The following DGKB variants were observed in gnomAD, a reference collection of about 807,000 sequenced individuals.
DGKB encodes diacylglycerol kinase beta.
In DGKB, 67 loss-of-function variants were observed where a neutral mutation model predicts 114.3. The observed-to-expected ratio is 0.59, with a 90% confidence interval of 0.48 to 0.72. The LOEUF is 0.72. Among genes scored for constraint, DGKB ranks in the 30% least tolerant of loss-of-function variants. DGKB has a pLI of 0.00. For missense variants in DGKB, 907 were observed against 975.2 expected (o/e 0.93, Z 0.93); for synonymous variants, 398 against 323.1 (o/e 1.23, Z -2.49).
At chr7:14,247,398 C>G (rs1448522628) in intron 23 of DGKB, among the ~76,000 whole-genome samples, 3 of 152,080 alleles carry the variant, frequency 2.0e-5, no homozygotes, top group Admixed American at 1.3e-4. Flanking sequence ...ATAGGCAGTT[C>G]TGTTTTTAAT....
chr7:14,607,582 T>C (rs1314527457), intron 16 of DGKB, 74 bp from the exon 17 acceptor site: 2 of 558,134 alleles, frequency 3.6e-6, no homozygotes, highest in Non-Finnish European at 6.4e-6. Context: ...TCTCTCAGTG[T>C]TATAAAATAT....
intron 18 of DGKB, among the ~76,000 whole-genome samples, chr7:14,581,442 T>G (rs187332542): frequency 6.6e-6 from 1 of 152,296 alleles, no homozygotes; most frequent in Non-Finnish European, 1.5e-5. Context: ...TGTCCTTGAC[T>G]TTTTCCCACC....
chr7:14,934,580 G>A (rs1785183974), intron 1 of DGKB, among the ~76,000 whole-genome samples: 1 of 152,098 alleles, frequency 6.6e-6, no homozygotes, highest in South Asian at 2.1e-4. Flanking sequence ...GAAATCATCA[G>A]ATACTAATTT....
At position 14,204,293 on chromosome 7, in the gene DGKB, G is replaced by A. The variant is rs371096465; in HGVS notation, c.2123-26142C>T. On this transcript the variant is annotated intron_variant, in intron 23 of 25. Transcript: ENST00000402815. Reference sequence around the variant, plus strand: ...ATGAAATCTGAATACATGAAAACTTGAGGGGCCTTATATATGTACCCATGT... The same window carrying A: ...ATGAAATCTGAATACATGAAAACTTAAGGGGCCTTATATATGTACCCATGT... Among the ~76,000 whole-genome samples the A allele has an allele frequency of 4.8e-3, 727 of 152,010 alleles. 6 individuals are homozygous for A. The highest frequency in any genetic ancestry group is 0.017 in the South Asian group (81 of 4,828).
At chr7:14,950,552 A>G (rs1786132486) in intron 1 of DGKB, among the ~76,000 whole-genome samples, 1 of 152,028 alleles carries the variant, frequency 6.6e-6, no homozygotes, top group Non-Finnish European at 1.5e-5. Flanking sequence ...CAAATTACTA[A>G]AATCAAGAAT....
intron 13 of DGKB, among the ~76,000 whole-genome samples, chr7:14,670,517 G>T (rs559602282): frequency 2.0e-5 from 3 of 151,858 alleles, no homozygotes; most frequent in Admixed American, 6.6e-5. Context: ...TTGGCCAGGG[G>T]GGGTCTTGAA....
chr7:14,577,490 G>A (rs540036154), intron 19 of DGKB, among the ~76,000 whole-genome samples: 138 of 152,146 alleles, frequency 9.1e-4, no homozygotes, highest in Non-Finnish European at 1.3e-3. Flanking sequence ...GGTGGCGGGC[G>A]CCCGTAGTAC....
In DGKB at chr7:14,313,416, G is replaced by C. The variant is rs922398122; in HGVS notation, c.2122+25099C>G. Reference sequence around the variant, plus strand: ...AGTGGGCGCAGGTCAGTGGGTGTGCGCACAGTGCGCGAGCCGAAGCAGGGC... The same window carrying C: ...AGTGGGCGCAGGTCAGTGGGTGTGCCCACAGTGCGCGAGCCGAAGCAGGGC... On this transcript the variant is annotated intron_variant, in intron 23 of 25. Transcript: ENST00000402815. Among the ~76,000 whole-genome samples, 289 of 152,082 alleles carry C rather than the reference G, an allele frequency of 1.9e-3. No homozygotes were observed. The Middle Eastern group carries it at 0.024, about 13-fold the overall frequency.
intron 7 of DGKB, among the ~76,000 whole-genome samples, chr7:14,700,198 G>C (rs1262612032): frequency 6.8e-6 from 1 of 148,014 alleles, no homozygotes; most frequent in Non-Finnish European, 1.5e-5. Context: ...AAAAATAATA[G>C]CATTTGAAAA....
chr7:14,631,450 T>C (rs186168577), intron 13 of DGKB, among the ~76,000 whole-genome samples: 1 of 152,082 alleles, frequency 6.6e-6, no homozygotes, highest in East Asian at 1.9e-4. Context: ...CAGCTCTATT[T>C]GGAAGATATT....
chr7:14,340,987 CTTTT>C (rs11376529), intron 22 of DGKB, among the ~76,000 whole-genome samples: 1 of 148,610 alleles, frequency 6.7e-6, no homozygotes, highest in African/African-American at 2.5e-5. Flanking sequence ...AAAGAGGCTT[CTTTT>C]TTTTTTAAAA....
chr7:14,321,393 A>G (rs533871211), intron 23 of DGKB, among the ~76,000 whole-genome samples: 1 of 152,314 alleles, frequency 6.6e-6, no homozygotes, highest in Admixed American at 6.5e-5. Flanking sequence ...AAAAATCAAC[A>G]TGTATTTATA....
At chr7:14,914,902 C>G (rs894289077) in intron 1 of DGKB, among the ~76,000 whole-genome samples, 1 of 151,828 alleles carries the variant, frequency 6.6e-6, no homozygotes, top group Non-Finnish European at 1.5e-5. Flanking sequence ...ATGGTCTCAT[C>G]CGTAGACTGG....
At chr7:14,412,347 C>G (rs1339303110) in intron 21 of DGKB, among the ~76,000 whole-genome samples, 2 of 152,138 alleles carry the variant, frequency 1.3e-5, no homozygotes, top group African/African-American at 4.8e-5. Context: ...GATAATGCTA[C>G]AAAGGGACAA....
intron 14 of DGKB, among the ~76,000 whole-genome samples, chr7:14,624,842 G>A (rs540448990): frequency 5.9e-5 from 9 of 151,908 alleles, no homozygotes; most frequent in South Asian, 2.1e-4. Context: ...TACTAAAAAC[G>A]CAAAAATATA....
chr7:14,368,575 G>C (rs28694354), intron 21 of DGKB, among the ~76,000 whole-genome samples: 333 of 145,970 alleles, frequency 2.3e-3, no homozygotes, highest in African/African-American at 5.8e-3. Flanking sequence ...TATTTTCTCT[G>C]TGTGTGTGTG....
intron 23 of DGKB, among the ~76,000 whole-genome samples, chr7:14,287,770 G>A (rs997626684): frequency 1.3e-5 from 2 of 152,188 alleles, no homozygotes. Context: ...GAGCTTTCCA[G>A]AAGTTGGTGT....
chr7:14,260,450 T>C (rs960777148), intron 23 of DGKB, among the ~76,000 whole-genome samples: 6 of 152,248 alleles, frequency 3.9e-5, no homozygotes, highest in African/African-American at 1.4e-4. Flanking sequence ...ACCCTGCTGC[T>C]GATCATCCAG....
intron 20 of DGKB, among the ~76,000 whole-genome samples, chr7:14,522,109 T>C (rs1789880585): frequency 6.6e-6 from 1 of 152,172 alleles, no homozygotes; most frequent in African/African-American, 2.4e-5. Flanking sequence ...TTGGTCAGAG[T>C]TGTGCTTACC....
Sources: allele counts gnomAD v4.1 joint callset (sites outside exome capture counted in the v4.1 genomes callset), GRCh38; gene constraint gnomAD v4.1.1; transcripts MANE v1.5; gene names NCBI Gene and HGNC (gene_info 2026-07-23, HGNC 2026-07-21).